Variants in DCDC2C observed in about 807,000 individuals in gnomAD.
DCDC2C encodes doublecortin domain-containing protein 2C.
In DCDC2C, 44 loss-of-function variants were observed where a neutral mutation model predicts 45.0. That is an observed-to-expected ratio of 0.98 (90% CI 0.77 to 1.26). The LOEUF is 1.26. Among genes scored for constraint, DCDC2C ranks in the 50% most tolerant of loss-of-function variants. DCDC2C has a pLI of 0.00. For missense variants in DCDC2C, 447 were observed against 468.9 expected, an observed-to-expected ratio of 0.95 and a Z score of 0.43; for synonymous variants, 187 against 178.8, an observed-to-expected ratio of 1.05 and a Z score of -0.37.
At chr2:3,754,700 G>T in intron 6 of DCDC2C, 66 bp downstream of exon 6, 1 of 1,428,710 alleles carries the variant, frequency 7.0e-7, no homozygotes. Flanking sequence ...GCATTAACAA[G>T]GGCACAGCGC....
At chr2:3,834,107 A>G (rs1032637275) in intron 10 of DCDC2C, among the ~76,000 whole-genome samples, 9 of 77,596 alleles carry the variant, frequency 1.2e-4, no homozygotes, top group African/African-American at 3.4e-4. Flanking sequence ...CCCTACCTCC[A>G]TCCCTGGCCC....
chr2:3,748,904 T>A lies in DCDC2C; in HGVS notation c.546-3859T>A, dbSNP rs141144067. Among the ~76,000 whole-genome samples, 15 of 152,342 alleles carry A rather than the reference T, an allele frequency of 9.8e-5. No homozygotes were observed. In the East Asian group the frequency reaches 1.9e-3, roughly 20 times the overall value. On this transcript the variant is annotated intron_variant, in intron 4 of 10. Coordinates refer to ENST00000399143, the MANE Select transcript of DCDC2C (RefSeq NM_001287444.2). ...TGGCTGAACTAACAGCTGAGACCCA[T>A]GAGCTTGGAGTCCAGGGTTCAGGGT... is the stretch of plus-strand genomic sequence containing the variant.
intron 3 of DCDC2C, among the ~76,000 whole-genome samples, chr2:3,739,641 C>T (rs570830238): frequency 6.6e-6 from 1 of 152,262 alleles, no homozygotes; most frequent in Non-Finnish European, 1.5e-5. Context: ...GAAAAACCGT[C>T]TCCCTTCTGG....
intron 6 of DCDC2C, among the ~76,000 whole-genome samples, chr2:3,762,336 C>T (rs749282005): frequency 3.3e-5 from 5 of 151,884 alleles, no homozygotes; most frequent in Admixed American, 6.6e-5. Context: ...CTATTCATAA[C>T]GTGGTGTAGT....
At chr2:3,815,720 G>T (rs1671539921) in intron 10 of DCDC2C, among the ~76,000 whole-genome samples, 1 of 151,744 alleles carries the variant, frequency 6.6e-6, no homozygotes, top group Admixed American at 6.6e-5. Context: ...ATCAAAGGAA[G>T]TTGTTCTCTG....
At chr2:3,782,408 G>A (rs1309903098) in intron 9 of DCDC2C, among the ~76,000 whole-genome samples, 2 of 151,894 alleles carry the variant, frequency 1.3e-5, no homozygotes, top group African/African-American at 4.8e-5. Context: ...ACGATATTGG[G>A]CACTGTAATA....
intron 3 of DCDC2C, among the ~76,000 whole-genome samples, chr2:3,728,131 G>A (rs1009727018): frequency 3.9e-5 from 6 of 152,228 alleles, no homozygotes; most frequent in African/African-American, 1.2e-4. Context: ...TCGCAGTCCC[G>A]AGAGGCAAGG....
intron 2 of DCDC2C, among the ~76,000 whole-genome samples, chr2:3,711,960 C>T (rs955667637): frequency 4.6e-5 from 7 of 152,164 alleles, no homozygotes; most frequent in African/African-American, 1.7e-4. Flanking sequence ...GCCTGATGCT[C>T]ATGATCCTGC....
chr2:3,750,691 T>C (rs1179949808), intron 4 of DCDC2C, among the ~76,000 whole-genome samples: 1 of 152,168 alleles, frequency 6.6e-6, no homozygotes, highest in Admixed American at 6.5e-5. Context: ...CTCAGATGTC[T>C]GCCGGCGAGT....
At chr2:3,771,201 A>T (rs772188582) in intron 8 of DCDC2C, among the ~76,000 whole-genome samples, 10 of 152,168 alleles carry the variant, frequency 6.6e-5, no homozygotes, top group Non-Finnish European at 1.5e-4. Context: ...GATGCTGGGG[A>T]CAGCTGAGTG....
intron 10 of DCDC2C, among the ~76,000 whole-genome samples, chr2:3,833,279 C>T (rs995775430): frequency 1.3e-5 from 2 of 152,178 alleles, no homozygotes; most frequent in South Asian, 4.2e-4. Flanking sequence ...AACCTGATTC[C>T]CCTTTGCCAT....
intron 2 of DCDC2C, among the ~76,000 whole-genome samples, chr2:3,721,759 G>C (rs1447561172): frequency 6.6e-6 from 1 of 152,140 alleles, no homozygotes; most frequent in Non-Finnish European, 1.5e-5. Context: ...TTCCTGTGCT[G>C]TTCTCGTGAT....
intron 10 of DCDC2C, among the ~76,000 whole-genome samples, chr2:3,846,854 G>A (rs1459587595): frequency 6.6e-6 from 1 of 152,230 alleles, no homozygotes; most frequent in Non-Finnish European, 1.5e-5. Context: ...GCAGAGGAAT[G>A]TGAAGCGTTG....
intron 1 of DCDC2C, 107 bp downstream of exon 1, chr2:3,704,145 C>T (rs1572541872): frequency 4.8e-6 from 5 of 1,035,598 alleles, no homozygotes; most frequent in South Asian, 5.1e-5. Flanking sequence ...GCTTCCCTCC[C>T]GGCTCGGGCG....
intron 6 of DCDC2C, among the ~76,000 whole-genome samples, chr2:3,755,504 T>TGTATGAATGCACATGCATGTGC (rs1669681650): frequency 1.3e-5 from 2 of 152,142 alleles, no homozygotes; most frequent in African/African-American, 4.8e-5. Context: ...AGTACACGTG[T>TGTATGAATGCACATGCATGTGC]GTATGAATGC....
intron 9 of DCDC2C, among the ~76,000 whole-genome samples, chr2:3,781,020 T>A (rs1053738125): frequency 4.6e-5 from 7 of 152,238 alleles, no homozygotes; most frequent in African/African-American, 1.7e-4. Context: ...GTGGCTCAAG[T>A]GTTTCAGTTC....
chr2:3,736,515 G>A (rs1044993648), intron 3 of DCDC2C, among the ~76,000 whole-genome samples: 1 of 152,120 alleles, frequency 6.6e-6, no homozygotes, highest in Non-Finnish European at 1.5e-5. Context: ...AGCATTGGAC[G>A]TTTGCTTTCT....
chr2:3,784,608 A>G (rs1022949321), intron 9 of DCDC2C, among the ~76,000 whole-genome samples: 2 of 152,048 alleles, frequency 1.3e-5, no homozygotes, highest in Non-Finnish European at 1.5e-5. Context: ...ATGACTATTA[A>G]TAGAAACAAA....
At chr2:3,842,177 TCA>T (rs1266938730) in intron 10 of DCDC2C, among the ~76,000 whole-genome samples, 1 of 152,078 alleles carries the variant, frequency 6.6e-6, no homozygotes, top group Non-Finnish European at 1.5e-5. Context: ...GGAATGAGAC[TCA>T]GTTTTGTTTT....
Sources: gnomAD v4.1 joint callset for allele counts (sites outside exome capture counted in the v4.1 genomes callset) on GRCh38, gnomAD v4.1.1 for gene constraint, MANE v1.5 for transcripts, NCBI Gene and HGNC (gene_info 2026-07-23, HGNC 2026-07-21) for gene names.